The following DGKB variants were observed in gnomAD, a reference collection of about 807,000 sequenced individuals.
DGKB encodes 90 kDa diacylglycerol kinase.
A neutral mutation model predicts 114.3 loss-of-function variants in DGKB; 67 were observed. That is an observed-to-expected ratio of 0.59 (90% CI 0.48 to 0.72). The LOEUF is 0.72. DGKB is among the 30% of genes least tolerant of loss of function. The pLI is 0.00. For missense variants in DGKB, 907 were observed against 975.2 expected (o/e 0.93, Z 0.93); for synonymous variants, 398 against 323.1 (o/e 1.23, Z -2.49).
chr7:14,160,778 C>A (rs780657728), intron 25 of DGKB, among the ~76,000 whole-genome samples: 11 of 152,108 alleles, frequency 7.2e-5, no homozygotes, highest in Non-Finnish European at 1.6e-4. Context: ...CTTTAAATTT[C>A]ATATGGAACC....
At chr7:14,698,867 G>C (rs1035584220) in intron 7 of DGKB, among the ~76,000 whole-genome samples, 1 of 152,006 alleles carries the variant, frequency 6.6e-6, no homozygotes, top group Non-Finnish European at 1.5e-5. Context: ...ATTAAACATG[G>C]CTTTGTGAAA....
At chr7:14,751,199 T>C (rs1834075961) in intron 4 of DGKB, among the ~76,000 whole-genome samples, 1 of 152,186 alleles carries the variant, frequency 6.6e-6, no homozygotes, top group Non-Finnish European at 1.5e-5. Flanking sequence ...CAGAGTAATG[T>C]TGGTTTTAAC....
At chr7:14,296,980 C>T (rs1802698120) in intron 23 of DGKB, among the ~76,000 whole-genome samples, 1 of 152,090 alleles carries the variant, frequency 6.6e-6, no homozygotes, top group South Asian at 2.1e-4. Context: ...TTCCTGGACA[C>T]ATACACCCTC....
At chr7:14,512,983 T>A (rs1788212279) in intron 20 of DGKB, among the ~76,000 whole-genome samples, 1 of 151,986 alleles carries the variant, frequency 6.6e-6, no homozygotes, top group South Asian at 2.1e-4. Flanking sequence ...TTACTACATG[T>A]CAAGAACTGG....
chr7:14,256,264 A>G (rs890600179), intron 23 of DGKB, among the ~76,000 whole-genome samples: 8 of 151,876 alleles, frequency 5.3e-5, no homozygotes, highest in Non-Finnish European at 8.8e-5. Context: ...ATTTATTTTT[A>G]TGCTTTCTTC....
rs779396484 is a variant in DGKB at position 14,883,738 on chromosome 7, G to C, written c.-188+18854C>G. 7.4e-4 allele frequency among the ~76,000 whole-genome samples: 112 copies of C among 152,122 alleles called. 1 individual carries two copies. Among genetic ancestry groups the C allele is most frequent in the Non-Finnish European group, 7.2e-4 (49 of 67,906 alleles). ...CTTAATTGGCATTTTGCACACATAA[G>C]TGGATTCAGGAGCTCTGCAAATAAT... On this transcript the variant is annotated intron_variant, in intron 1 of 25. Coordinates refer to ENST00000402815, the MANE Select transcript of DGKB (RefSeq NM_001350709.2).
At chr7:14,774,443 G>A (rs979248848) in intron 2 of DGKB, among the ~76,000 whole-genome samples, 3 of 152,114 alleles carry the variant, frequency 2.0e-5, no homozygotes, top group Admixed American at 6.5e-5. Flanking sequence ...AATGGAAAAT[G>A]TCAAAAATCT....
intron 21 of DGKB, among the ~76,000 whole-genome samples, chr7:14,441,266 C>T (rs868078816): frequency 2.6e-5 from 4 of 152,212 alleles, no homozygotes; most frequent in East Asian, 1.9e-4. Flanking sequence ...CTCAGCCTCC[C>T]GAAGTGCTGG....
intron 2 of DGKB, among the ~76,000 whole-genome samples, chr7:14,778,790 TTAAGTA>T (rs746072886): frequency 1.6e-4 from 24 of 152,362 alleles, no homozygotes; most frequent in Non-Finnish European, 2.2e-4. Flanking sequence ...TTTGTGACTT[TTAAGTA>T]TAAGTTACAT....
intron 21 of DGKB, among the ~76,000 whole-genome samples, chr7:14,361,054 C>A (rs1815639234): frequency 1.3e-5 from 2 of 152,036 alleles, no homozygotes; most frequent in South Asian, 4.1e-4. Flanking sequence ...TCTGTGAAGA[C>A]TACCACAGCT....
At position 14,574,347 on chromosome 7, in the gene DGKB, T is replaced by C; in HGVS notation, c.1635A>G (p.Lys545=). 1 of 1,612,572 alleles carries C rather than the reference T, an allele frequency of 6.2e-7. No individual in the cohort carries two copies. Among genetic ancestry groups the C allele is most frequent in the Non-Finnish European group, 8.5e-7 (1 of 1,179,428 alleles). ...TGCTGTTTTCAATGTCTTTTAGAAT[T>C]TTCATCAGATTCTCACCTTCGTAAC... ...GGGYEGENLM[K]ILKDIENSTE... is the part of the protein sequence containing the mutation. The change falls in exon 20 of 26, where the codon AAA becomes AAG. Residue 545 remains lysine, a synonymous_variant. Coordinates refer to ENST00000402815, the MANE Select transcript of DGKB (RefSeq NM_001350709.2).
At chr7:14,950,766 A>G (rs1337820538) in intron 1 of DGKB, among the ~76,000 whole-genome samples, 1 of 152,012 alleles carries the variant, frequency 6.6e-6, no homozygotes, top group Non-Finnish European at 1.5e-5. Flanking sequence ...TGCATTGATA[A>G]CAAAACTAGA....
At chr7:14,752,716 A>G (rs1176665344) in intron 4 of DGKB, among the ~76,000 whole-genome samples, 1 of 152,144 alleles carries the variant, frequency 6.6e-6, no homozygotes, top group Non-Finnish European at 1.5e-5. Context: ...AAAAAGCTAG[A>G]GCTTATTTTG....
chr7:14,172,461 C>T (rs1358049126), intron 25 of DGKB, among the ~76,000 whole-genome samples: 3 of 151,984 alleles, frequency 2.0e-5, no homozygotes, highest in African/African-American at 7.2e-5. Context: ...GGAAAAGATT[C>T]CAGAAATAGG....
At chr7:14,853,602 C>T (rs772147753) in intron 1 of DGKB, among the ~76,000 whole-genome samples, 1 of 151,772 alleles carries the variant, frequency 6.6e-6, no homozygotes, top group South Asian at 2.1e-4. Flanking sequence ...CACAGTGGCT[C>T]ACGCCTGTAA....
chr7:14,687,891 T>C (rs906862564), intron 9 of DGKB, among the ~76,000 whole-genome samples: 2 of 152,256 alleles, frequency 1.3e-5, no homozygotes, highest in African/African-American at 4.8e-5. Flanking sequence ...ATCAGAACAC[T>C]TAGCCGTGTT....
intron 23 of DGKB, among the ~76,000 whole-genome samples, chr7:14,266,317 G>A (rs933090790): frequency 3.9e-5 from 6 of 152,088 alleles, no homozygotes; most frequent in Admixed American, 3.3e-4. Context: ...AGAATGAAAT[G>A]CATTTCTATT....
At position 14,968,202 on chromosome 7, in the gene DGKB, A is replaced by T. The variant is rs187200789; in HGVS notation, c.-188+6494T>A. On this transcript the variant is annotated intron_variant, in intron 1 of 4. Transcript: ENST00000437998. The stretch of plus-strand genomic sequence containing the variant: ...CAAAACATTAAAGTATGGAGATTAT[A>T]AAAAAAAAAGCTAGCTTTTAGGTGA... Among the ~76,000 whole-genome samples, 257 of 129,134 alleles carry T rather than the reference A, an allele frequency of 2.0e-3. 1 individual carries two copies. Among genetic ancestry groups the T allele is most frequent in the Non-Finnish European group, 3.3e-3 (186 of 56,136 alleles). 84.7% of individuals were successfully genotyped at this position (129,134 alleles called of 152,430 possible). A position where few individuals can be genotyped will look rare whatever the true frequency, so the allele number is the denominator to read the frequency against.
chr7:14,682,883 C>A (rs773676978), intron 10 of DGKB, 42 bp from the exon 11 acceptor site: 2 of 1,382,490 alleles, frequency 1.4e-6, no homozygotes, highest in Non-Finnish European at 2.0e-6. Flanking sequence ...TAATCCTGGT[C>A]CTGGTTGTAA....
Sources: gnomAD v4.1 joint callset for allele counts (sites outside exome capture counted in the v4.1 genomes callset) on GRCh38, gnomAD v4.1.1 for gene constraint, MANE v1.5 for transcripts, NCBI Gene and HGNC (gene_info 2026-07-23, HGNC 2026-07-21) for gene names.